The following NFIB variants were observed in gnomAD, a reference collection of about 807,000 sequenced individuals.
NFIB encodes nuclear factor I B, also known as nuclear factor 1 B-type.
In NFIB, 11 loss-of-function variants were observed where a neutral mutation model predicts 61.5. That is an observed-to-expected ratio of 0.18 (90% CI 0.11 to 0.30). The LOEUF (loss-of-function observed/expected upper bound fraction) is 0.30. Ranked by LOEUF, NFIB falls within the 10% of genes least tolerant of loss-of-function variation. NFIB has a pLI of 1.00. For synonymous variants in NFIB, 260 were observed against 216.5 expected, an observed-to-expected ratio of 1.20 and a Z score of -1.76; for missense variants, 471 against 608.9, an observed-to-expected ratio of 0.77 and a Z score of 2.38.
intron 3 of NFIB, among the ~76,000 whole-genome samples, chr9:14,175,498 G>A (rs547956818): frequency 9.1e-4 from 138 of 152,240 alleles, no homozygotes; most frequent in East Asian, 1.9e-3. Flanking sequence ...TTTCTTAAGT[G>A]CAAGATAAGC....
At chr9:14,141,627 T>C (rs570981798) in intron 6 of NFIB, among the ~76,000 whole-genome samples, 1 of 152,244 alleles carries the variant, frequency 6.6e-6, no homozygotes, top group South Asian at 2.1e-4. Flanking sequence ...CTATAAAAAT[T>C]CCTCCAATAT....
At chr9:14,447,765 C>A in the NFIB span, among the ~76,000 whole-genome samples, 35 of 152,158 alleles carry the variant, frequency 2.3e-4, no homozygotes, top group African/African-American at 6.7e-4. Flanking sequence ...GGATTTATGT[C>A]CCATTCCCTG....
At chr9:14,149,848 A>G (rs1164186119) in intron 5 of NFIB, among the ~76,000 whole-genome samples, 1 of 152,190 alleles carries the variant, frequency 6.6e-6, no homozygotes, top group Non-Finnish European at 1.5e-5. Context: ...AGCCATCAAA[A>G]GATTTTGTTA....
At position 14,083,981 on chromosome 9, in the gene NFIB, G is replaced by C. The variant is rs1400302121; in HGVS notation, c.*4328C>G. On this transcript the variant is annotated 3_prime_UTR_variant, in exon 11 of 11. Coordinates refer to ENST00000380953, the MANE Select transcript of NFIB (RefSeq NM_001190737.2). Reference sequence around the variant, plus strand: ...ACTAATAAAAAGACAGTGGTGCTTCGACATTCTGAAATGCTCTGGAAACCA... The same window carrying C: ...ACTAATAAAAAGACAGTGGTGCTTCCACATTCTGAAATGCTCTGGAAACCA... 3 of 218,532 alleles carry C rather than the reference G, an allele frequency of 1.4e-5. No individual in the cohort carries two copies. The highest frequency in any genetic ancestry group is 6.7e-5 in the African/African-American group (3 of 44,452). 13.5% of individuals were successfully genotyped at this position (218,532 alleles called of 1,614,324 possible).
chr9:14,263,937 A>C (rs956854564), intron 2 of NFIB, among the ~76,000 whole-genome samples: 5 of 152,236 alleles, frequency 3.3e-5, no homozygotes, highest in Non-Finnish European at 5.9e-5. Context: ...GAGGCAAAAA[A>C]GCAACCCTGA....
At chr9:14,463,081 A>G in the NFIB span, among the ~76,000 whole-genome samples, 1 of 152,064 alleles carries the variant, frequency 6.6e-6, no homozygotes, top group African/African-American at 2.4e-5. Flanking sequence ...ATAAACAACT[A>G]TAACATTTAA....
intron 2 of NFIB, among the ~76,000 whole-genome samples, chr9:14,181,579 T>C (rs1246589631): frequency 6.6e-6 from 1 of 152,264 alleles, no homozygotes; most frequent in Non-Finnish European, 1.5e-5. Flanking sequence ...TGGAGTATGA[T>C]AGCTACATAA....
intron 2 of NFIB, among the ~76,000 whole-genome samples, chr9:14,287,677 C>T (rs1276503493): frequency 6.6e-6 from 1 of 151,932 alleles, no homozygotes; most frequent in African/African-American, 2.4e-5. Flanking sequence ...GCCTCAGCCT[C>T]CCACAGTGCT....
the NFIB span, among the ~76,000 whole-genome samples, chr9:14,527,058 C>A: frequency 1.3e-5 from 2 of 152,098 alleles, no homozygotes; most frequent in Non-Finnish European, 2.9e-5. Flanking sequence ...AAAAGTCATT[C>A]CCACATAAGA....
intron 2 of NFIB, among the ~76,000 whole-genome samples, chr9:14,225,933 G>GA (rs1157149517): frequency 7.9e-5 from 12 of 152,134 alleles, no homozygotes; most frequent in Middle Eastern, 6.8e-3. Flanking sequence ...TCACATTTCA[G>GA]AAAAATTCAT....
At chr9:14,303,654 G>A (rs934701161) in intron 2 of NFIB, among the ~76,000 whole-genome samples, 4 of 152,228 alleles carry the variant, frequency 2.6e-5, no homozygotes, top group Admixed American at 2.0e-4. Context: ...CTGCAATGCG[G>A]ATGCCAACCA....
intron 6 of NFIB, 113 bp downstream of exon 6, chr9:14,146,576 G>A: frequency 6.9e-7 from 1 of 1,441,080 alleles, no homozygotes; most frequent in South Asian, 1.2e-5. Context: ...ATCATTTTAT[G>A]AAAAAAATAT....
intron 6 of NFIB, among the ~76,000 whole-genome samples, chr9:14,127,345 A>G (rs1198934141): frequency 6.6e-6 from 1 of 152,190 alleles, no homozygotes; most frequent in Admixed American, 6.5e-5. Context: ...TTTGTATTTT[A>G]TTATGAAAAA....
intron 7 of NFIB, among the ~76,000 whole-genome samples, chr9:14,123,763 TAGTTTGCCCCTCTGCCTCCC>T (rs939142522): frequency 9.9e-5 from 15 of 151,700 alleles, no homozygotes; most frequent in East Asian, 3.9e-4. Context: ...CTCTTCCTCT[TAGTTTGCCCCTCTGCCTCCC>T]AGTTTGCCCC....
chr9:14,183,474 G>A (rs925823605), intron 2 of NFIB, among the ~76,000 whole-genome samples: 4 of 151,482 alleles, frequency 2.6e-5, no homozygotes, highest in African/African-American at 9.7e-5. Flanking sequence ...CACTATCACA[G>A]CTCACTGAAG....
chr9:14,201,601 T>C (rs778159936), intron 2 of NFIB, among the ~76,000 whole-genome samples: 5 of 152,202 alleles, frequency 3.3e-5, no homozygotes, highest in Non-Finnish European at 7.3e-5. Context: ...GCTCACACTT[T>C]AGTGCAGGGC....
the NFIB span, among the ~76,000 whole-genome samples, chr9:14,527,827 T>C: frequency 6.6e-6 from 1 of 152,200 alleles, no homozygotes; most frequent in Non-Finnish European, 1.5e-5. Context: ...TTCAATTACA[T>C]TTCTAGAAAT....
intron 1 of NFIB, among the ~76,000 whole-genome samples, chr9:14,375,078 G>A (rs1475449221): frequency 1.3e-5 from 2 of 152,160 alleles, no homozygotes; most frequent in African/African-American, 4.8e-5. Context: ...GTAAGGATTT[G>A]TATTTAACTG....
intron 1 of NFIB, among the ~76,000 whole-genome samples, chr9:14,334,091 A>C (rs2060854770): frequency 6.6e-6 from 1 of 152,238 alleles, no homozygotes; most frequent in Non-Finnish European, 1.5e-5. Context: ...TATTGTATGC[A>C]TACAGCACAG....
Sources: allele counts gnomAD v4.1 joint callset (sites outside exome capture counted in the v4.1 genomes callset), GRCh38; gene constraint gnomAD v4.1.1; transcripts MANE v1.5; gene names NCBI Gene and HGNC (gene_info 2026-07-23, HGNC 2026-07-21).